The following DCBLD2 variants were observed in gnomAD, a reference collection of about 807,000 sequenced individuals.
DCBLD2 encodes discoidin, CUB and LCCL domain containing 2, also known as discoidin, CUB and LCCL domain-containing protein 2.
A neutral mutation model predicts 86.8 loss-of-function variants in DCBLD2; 54 were observed. The ratio of observed to expected loss-of-function variants is 0.62; its 90% confidence interval spans 0.50 to 0.78. The LOEUF is 0.78. Among genes scored for constraint, DCBLD2 ranks in the 30% least tolerant of loss-of-function variants. The probability of loss-of-function intolerance (pLI) is 0.00; values close to 1 mark genes in which losing one functional copy is unlikely to be tolerated. For synonymous variants in DCBLD2, 354 were observed against 341.3 expected, an observed-to-expected ratio of 1.04 and a Z score of -0.41; for missense variants, 908 against 954.2, an observed-to-expected ratio of 0.95 and a Z score of 0.64.
chr3:98,875,914 G>C (rs1371979548), intron 2 of DCBLD2, among the ~76,000 whole-genome samples: 1 of 151,822 alleles, frequency 6.6e-6, no homozygotes, highest in African/African-American at 2.4e-5. Flanking sequence ...ATGTACCAGG[G>C]ATCTAAATAT....
intron 2 of DCBLD2, among the ~76,000 whole-genome samples, chr3:98,875,104 A>G (rs1010395414): frequency 6.6e-6 from 1 of 152,198 alleles, no homozygotes; most frequent in African/African-American, 2.4e-5. Context: ...AGGCATAAGA[A>G]ATGGAAAAAA....
chr3:98,828,636 A>G (rs937781477), intron 3 of DCBLD2, among the ~76,000 whole-genome samples: 5 of 152,234 alleles, frequency 3.3e-5, no homozygotes, highest in Non-Finnish European at 7.3e-5. Flanking sequence ...GTTTTGGAAA[A>G]TGGTTTGGCA....
intron 4 of DCBLD2, among the ~76,000 whole-genome samples, chr3:98,825,097 A>G (rs536559604): frequency 6.6e-6 from 1 of 152,340 alleles, no homozygotes; most frequent in African/African-American, 2.4e-5. Context: ...TGATACTTTC[A>G]TTTTGCAGAT....
chr3:98,845,991 T>C (rs1021079850), intron 3 of DCBLD2, among the ~76,000 whole-genome samples: 5 of 152,248 alleles, frequency 3.3e-5, no homozygotes, highest in Admixed American at 2.6e-4. Context: ...CTTTATTTCA[T>C]AGTTGCAATG....
chr3:98,816,294 G>C (rs1942022691), intron 9 of DCBLD2: 1 of 148,204 alleles, frequency 6.7e-6, no homozygotes, highest in African/African-American at 2.5e-5. Context: ...TCTACACTTA[G>C]AGAAATTACC....
At position 98,877,344 on chromosome 3, in the gene DCBLD2, A is replaced by G. The variant is rs762510998; in HGVS notation, c.433+4196T>C. Among the ~76,000 whole-genome samples, 53 of 152,162 alleles carry G rather than the reference A, an allele frequency of 3.5e-4. 1 individual carries two copies. The highest frequency in any genetic ancestry group is 6.3e-4 in the Non-Finnish European group (43 of 68,028). Reference sequence around the variant, plus strand: ...TTAGACTCTAAGTCCTCAGGTACGAATTCTAGGTAGCAGGCTTCTTTCAGT... The same window carrying G: ...TTAGACTCTAAGTCCTCAGGTACGAGTTCTAGGTAGCAGGCTTCTTTCAGT... On this transcript the variant is annotated intron_variant, in intron 2 of 15. Coordinates refer to ENST00000326840, the MANE Select transcript of DCBLD2 (RefSeq NM_080927.4).
chr3:98,831,577 T>C (rs1427317458), intron 3 of DCBLD2, among the ~76,000 whole-genome samples: 1 of 152,234 alleles, frequency 6.6e-6, no homozygotes, highest in Non-Finnish European at 1.5e-5. Flanking sequence ...AACTTTTTGA[T>C]GTGGGCATTT....
intron 2 of DCBLD2, among the ~76,000 whole-genome samples, chr3:98,866,941 C>T (rs191437603): frequency 0.011 from 1,733 of 152,298 alleles, 15 homozygotes; most frequent in Non-Finnish European, 0.016. Flanking sequence ...CCAGTTTTCC[C>T]AGAACCATTT....
chr3:98,894,029 G>C (rs1201695094), intron 1 of DCBLD2, among the ~76,000 whole-genome samples: 1 of 152,146 alleles, frequency 6.6e-6, no homozygotes, highest in East Asian at 1.9e-4. Flanking sequence ...GCAGAGAATG[G>C]GGATTATCAC....
Position 98,870,628 on chromosome 3 carries a change from G to C in DCBLD2, c.433+10912C>G, listed in dbSNP as rs550453700. Among the ~76,000 whole-genome samples the C allele has an allele frequency of 4.1e-5, 6 of 147,286 alleles. No homozygotes were observed. In the South Asian group the frequency reaches 6.4e-4, roughly 16 times the overall value. The stretch of plus-strand genomic sequence containing the variant: ...GATGGAAAGGAAAGGGAAAGGGAAA[G>C]GGAAATGGAAGGAAGAAGAGATAGA... On this transcript the variant is annotated intron_variant, in intron 2 of 15. Coordinates refer to ENST00000326840, the MANE Select transcript of DCBLD2 (RefSeq NM_080927.4).
At chr3:98,800,291 T>C (rs146028388) in intron 15 of DCBLD2, among the ~76,000 whole-genome samples, 261 of 152,300 alleles carry the variant, frequency 1.7e-3, no homozygotes, top group Admixed American at 6.4e-3. Context: ...GCTTCTTCTG[T>C]CTTTCCCGCT....
chr3:98,881,027 T>C (rs1158984221), intron 2 of DCBLD2, among the ~76,000 whole-genome samples: 1 of 152,034 alleles, frequency 6.6e-6, no homozygotes, highest in Non-Finnish European at 1.5e-5. Flanking sequence ...GTGGATCACC[T>C]GAGGCTGGAG....
At chr3:98,811,589 G>C in intron 10 of DCBLD2, 35 bp from the exon 11 acceptor site, 1 of 1,527,846 alleles carries the variant, frequency 6.5e-7, no homozygotes, top group Non-Finnish European at 8.8e-7. Context: ...TAAACATTTT[G>C]TTTTTAAAAA....
At position 98,881,595 on chromosome 3, in the gene DCBLD2, A is replaced by G. The variant is rs371347652; in HGVS notation, c.378T>C (p.Cys126=). ...TATAAATTCTCAAGTAATTAAAGTG[A>G]CAAGAATCAGAATCTTCAATGTCAA... ...GDFDIEDSDS[C]HFNYLRIYNG... is the part of the protein sequence containing the mutation. Residue 126 remains cysteine, a synonymous_variant, in exon 2 of 16, where the codon TGT becomes TGC. Coordinates refer to ENST00000326840, the MANE Select transcript of DCBLD2 (RefSeq NM_080927.4). 1.7e-5 allele frequency: 28 copies of G among 1,613,970 alleles called. No homozygotes were observed. In the Middle Eastern group the frequency reaches 6.6e-4, roughly 38 times the overall value.
Position 98,901,642 on chromosome 3 carries a change from G to C in DCBLD2, c.-316C>G, listed in dbSNP as rs1175773094. On this transcript the variant is annotated 5_prime_UTR_variant, in exon 1 of 16. Coordinates refer to ENST00000326840, the MANE Select transcript of DCBLD2 (RefSeq NM_080927.4). ...GCCTCCCGCGCCGCGCTCCTCACCA[G>C]GGTCGCCGCTCGCCGCGCTCACCCG... 9.4e-6 allele frequency: 2 copies of C among 211,904 alleles called. No individual in the cohort carries two copies. The highest frequency in any genetic ancestry group is 4.6e-5 in the African/African-American group (2 of 43,520). The allele number at this position is 211,904 out of a possible 1,614,324, so 13.1% of individuals were successfully genotyped here.
intron 1 of DCBLD2, among the ~76,000 whole-genome samples, chr3:98,898,097 C>T (rs1349994358): frequency 6.6e-6 from 1 of 151,920 alleles, no homozygotes; most frequent in Non-Finnish European, 1.5e-5. Context: ...GAACTCTACA[C>T]AAATACAAGC....
At chr3:98,881,107 T>G (rs904961800) in intron 2 of DCBLD2, among the ~76,000 whole-genome samples, 1 of 151,308 alleles carries the variant, frequency 6.6e-6, no homozygotes, top group Admixed American at 6.6e-5. Context: ...CAAAAAAAAA[T>G]TAGCCGGCTA....
chr3:98,896,404 G>C (rs1943750848), intron 1 of DCBLD2, among the ~76,000 whole-genome samples: 1 of 152,086 alleles, frequency 6.6e-6, no homozygotes, highest in Admixed American at 6.5e-5. Context: ...TACAATAACA[G>C]CTCTGAACAA....
At chr3:98,849,217 T>TAA (rs201619950) in intron 3 of DCBLD2, among the ~76,000 whole-genome samples, 12 of 151,544 alleles carry the variant, frequency 7.9e-5, no homozygotes, top group African/African-American at 2.4e-4. Context: ...CTTATAAAAA[T>TAA]AAAAAAAATC....
Sources: allele counts gnomAD v4.1 joint callset (sites outside exome capture counted in the v4.1 genomes callset), GRCh38; gene constraint gnomAD v4.1.1; transcripts MANE v1.5; gene names NCBI Gene and HGNC (gene_info 2026-07-23, HGNC 2026-07-21).